Variants in SS18 observed in about 807,000 individuals in gnomAD.
SS18 encodes the protein SS18 subunit of BAF chromatin remodeling complex.
In SS18, 28 loss-of-function variants were observed where a neutral mutation model predicts 72.5. The ratio of observed to expected loss-of-function variants is 0.39; its 90% confidence interval spans 0.29 to 0.53. The LOEUF is 0.53. SS18 is among the 20% of genes least tolerant of loss of function. SS18 has a pLI of 0.76. For missense variants in SS18, 518 were observed against 535.3 expected (o/e 0.97, Z 0.32); for synonymous variants, 172 against 164.2 (o/e 1.05, Z -0.37).
At chr18:26,079,145 T>C (rs2054472324) in intron 2 of SS18, 1 of 152,186 alleles carries the variant, frequency 6.6e-6, no homozygotes, top group Non-Finnish European at 1.5e-5. Context: ...AAAAGAGATA[T>C]GCTAAAACAA....
intron 5 of SS18, among the ~76,000 whole-genome samples, chr18:26,051,598 C>T (rs1014375331): frequency 2.6e-5 from 4 of 152,136 alleles, no homozygotes; most frequent in African/African-American, 7.2e-5. Context: ...AACACATGAA[C>T]TCCCTTCTGA....
intron 5 of SS18, among the ~76,000 whole-genome samples, chr18:26,049,596 C>G (rs981624637): frequency 5.9e-5 from 9 of 152,172 alleles, no homozygotes; most frequent in African/African-American, 2.2e-4. Flanking sequence ...ACTACAGCCT[C>G]GAAGTCCTGT....
chr18:26,090,806 G>A, upstream of SS18: 1 of 580,196 alleles, frequency 1.7e-6, no homozygotes, highest in Non-Finnish European at 3.1e-6. Flanking sequence ...GACCGTCCCT[G>A]CATCCCCCGA....
Position 26,018,360 on chromosome 18 carries a change from C to T in SS18, c.1251G>A (p.Gln417=), listed in dbSNP as rs770825194. The T allele has an allele frequency of 1.2e-5, 19 of 1,600,510 alleles. No homozygotes were observed. The highest frequency in any genetic ancestry group is 1.2e-5 in the Non-Finnish European group (14 of 1,168,542). ...GYDQGQYGNY[Q]Q ...CTGGAATGTAAGTACTTTTTCACTG[C>T]TGGTAATTTCCATACTGTCCCTAAA... Residue 417 remains glutamine, a synonymous_variant, in exon 11 of 11, where the codon CAG becomes CAA. Transcript: ENST00000415083.
upstream of SS18, chr18:26,090,942 CCT>C (rs948701396): frequency 9.5e-6 from 3 of 316,564 alleles, no homozygotes; most frequent in African/African-American, 4.4e-5. Context: ...TGGGGCAGCC[CCT>C]GTCACAGGAA....
chr18:26,034,341 A>G (rs961272452), intron 9 of SS18, among the ~76,000 whole-genome samples: 1 of 152,212 alleles, frequency 6.6e-6, no homozygotes. Context: ...TGGTTATAGT[A>G]GCCTGAGAGT....
intron 10 of SS18, among the ~76,000 whole-genome samples, chr18:26,029,646 T>A (rs77212566): frequency 6.6e-6 from 1 of 152,172 alleles, no homozygotes; most frequent in Non-Finnish European, 1.5e-5. Context: ...CAAGGACCGA[T>A]GGGGAAGTAT....
At chr18:26,085,392 T>C (rs923021524) in intron 2 of SS18, among the ~76,000 whole-genome samples, 14 of 152,176 alleles carry the variant, frequency 9.2e-5, no homozygotes, top group Non-Finnish European at 1.8e-4. Flanking sequence ...AAAAATATTT[T>C]AAAGATGTCT....
chr18:26,079,247 T>A (rs901461506), intron 2 of SS18: 1 of 152,216 alleles, frequency 6.6e-6, no homozygotes. Context: ...TGGTTAAACA[T>A]GCTTATTGTA....
At chr18:26,045,111 T>C (rs191746587) in intron 5 of SS18, among the ~76,000 whole-genome samples, 2 of 152,222 alleles carry the variant, frequency 1.3e-5, no homozygotes, top group Non-Finnish European at 2.9e-5. Context: ...GCCACGATCA[T>C]CTCTTAAATA....
chr18:26,061,820 C>T (rs573506267), intron 3 of SS18, among the ~76,000 whole-genome samples: 146 of 152,204 alleles, frequency 9.6e-4, no homozygotes, highest in Non-Finnish European at 1.7e-3. Context: ...AATGGCCCCA[C>T]ATGGAAGCAT....
chr18:26,063,396 G>A (rs2054159317), intron 3 of SS18, among the ~76,000 whole-genome samples: 1 of 152,144 alleles, frequency 6.6e-6, no homozygotes, highest in African/African-American at 2.4e-5. Context: ...GCGGGCGCCT[G>A]TAGTCCCAGC....
rs35858470 is a variant in SS18 at position 26,022,437 on chromosome 18, T to TAA, written c.1231-4059_1231-4058dup. Among the ~76,000 whole-genome samples, 1,057 of 131,988 alleles carry TAA rather than the reference T, an allele frequency of 8.0e-3. 15 individuals carry two copies. Among genetic ancestry groups the TAA allele is most frequent in the African/African-American group, 0.027 (994 of 36,638 alleles). 86.6% of individuals were successfully genotyped at this position (131,988 alleles called of 152,430 possible). ...GGATTTATCTGGCAGCCTGAAACAA[T>TAA]AAAAAAAAAAAAAACTACACAAAGC... On this transcript the variant is annotated intron_variant, in intron 10 of 10. Transcript: ENST00000415083.
At chr18:26,065,311 C>T (rs1304271922) in intron 3 of SS18, among the ~76,000 whole-genome samples, 2 of 151,788 alleles carry the variant, frequency 1.3e-5, no homozygotes, top group African/African-American at 4.9e-5. Context: ...AAAGATTTAT[C>T]ACAAGCTACA....
At chr18:26,030,396 C>G (rs969466384) in intron 10 of SS18, among the ~76,000 whole-genome samples, 1 of 152,220 alleles carries the variant, frequency 6.6e-6, no homozygotes, top group Non-Finnish European at 1.5e-5. Context: ...GAGTTAGAAG[C>G]TCCTTCCACA....
intron 4 of SS18, among the ~76,000 whole-genome samples, chr18:26,054,853 G>T (rs2053988884): frequency 6.6e-6 from 1 of 151,302 alleles, no homozygotes; most frequent in South Asian, 2.1e-4. Context: ...CGATTCTCCT[G>T]TCTCAGCTTC....
At chr18:26,063,253 T>G (rs563942210) in intron 3 of SS18, among the ~76,000 whole-genome samples, 1 of 152,110 alleles carries the variant, frequency 6.6e-6, no homozygotes, top group Non-Finnish European at 1.5e-5. Flanking sequence ...GGTGCGGTGG[T>G]TCATGCCTGT....
chr18:26,069,890 A>G (rs2054284115), intron 3 of SS18, among the ~76,000 whole-genome samples: 1 of 152,272 alleles, frequency 6.6e-6, no homozygotes, highest in Non-Finnish European at 1.5e-5. Flanking sequence ...AAATAAATTA[A>G]CAGTAACTAA....
rs775179253 is a variant in SS18 at position 26,022,437 on chromosome 18, T to A, written c.1231-4057A>T. ...GGATTTATCTGGCAGCCTGAAACAA[T>A]AAAAAAAAAAAAAACTACACAAAGC... On this transcript the variant is annotated intron_variant, in intron 10 of 10. Coordinates refer to ENST00000415083, the MANE Select transcript of SS18 (RefSeq NM_001007559.3). 2.8e-3 allele frequency among the ~76,000 whole-genome samples: 374 copies of A among 131,966 alleles called. 1 individual carries two copies. Among genetic ancestry groups the A allele is most frequent in the African/African-American group, 6.6e-3 (243 of 36,618 alleles). The allele number at this position is 131,966 out of a possible 152,430, so 86.6% of individuals were successfully genotyped here.
Sources: gnomAD v4.1 joint callset for allele counts (sites outside exome capture counted in the v4.1 genomes callset) on GRCh38, gnomAD v4.1.1 for gene constraint, MANE v1.5 for transcripts, NCBI Gene and HGNC (gene_info 2026-07-23, HGNC 2026-07-21) for gene names.